Variants in AGBL4 observed in about 807,000 individuals in gnomAD.
AGBL4 encodes cytosolic carboxypeptidase 6.
A neutral mutation model predicts 66.4 loss-of-function variants in AGBL4; 58 were observed. The observed-to-expected ratio is 0.87, with a 90% CI of 0.71 to 1.09. The LOEUF is 1.09. AGBL4 is among the 50% of genes least tolerant of loss of function. AGBL4 has a pLI of 0.00. For synonymous variants in AGBL4, 234 were observed against 222.9 expected (o/e 1.05, Z -0.44); for missense variants, 579 against 631.0 (o/e 0.92, Z 0.88).
chr1:48,708,477 G>A (rs552064617), intron 6 of AGBL4, among the ~76,000 whole-genome samples: 7 of 152,304 alleles, frequency 4.6e-5, no homozygotes, highest in Admixed American at 4.6e-4. Context: ...AGGGCCCAGA[G>A]GCACAGTGAG....
intron 3 of AGBL4, among the ~76,000 whole-genome samples, chr1:49,656,104 G>T (rs1036051464): frequency 1.3e-5 from 2 of 151,190 alleles, no homozygotes; most frequent in African/African-American, 2.4e-5. Context: ...CCAAGATCGT[G>T]CCACTGCACT....
intron 3 of AGBL4, among the ~76,000 whole-genome samples, chr1:49,542,440 A>G (rs1652120352): frequency 6.6e-6 from 1 of 152,168 alleles, no homozygotes; most frequent in South Asian, 2.1e-4. Context: ...TCCGAACATC[A>G]GAAGGAACAA....
Position 48,894,853 on chromosome 1 carries a change from C to T in AGBL4, c.595-27623G>A, listed in dbSNP as rs539195539. Among the ~76,000 whole-genome samples, 150 of 152,230 alleles carry T rather than the reference C, an allele frequency of 9.9e-4. 1 individual carries two copies. The Middle Eastern group carries it at 0.01, about 10-fold the overall frequency. ...TTTATATTTCAAAACAAAGAGGTTT[C>T]CAGTACGTAGGGAGACAGGATTTCC... is the stretch of plus-strand genomic sequence containing the variant. On this transcript the variant is annotated intron_variant, in intron 5 of 13. Transcript: ENST00000371839.
chr1:49,429,170 G>A (rs765357700), intron 3 of AGBL4, among the ~76,000 whole-genome samples: 4 of 152,150 alleles, frequency 2.6e-5, no homozygotes, highest in South Asian at 4.1e-4. Context: ...CCTTTAAAGA[G>A]CCAGATGATA....
At chr1:49,830,460 G>T (rs1025861524) in intron 2 of AGBL4, among the ~76,000 whole-genome samples, 14 of 151,962 alleles carry the variant, frequency 9.2e-5, no homozygotes, top group Non-Finnish European at 1.6e-4. Flanking sequence ...TGCTCATGGG[G>T]TTGTTTTTTC....
At chr1:48,749,523 C>A (rs1278051592) in intron 6 of AGBL4, among the ~76,000 whole-genome samples, 1 of 152,178 alleles carries the variant, frequency 6.6e-6, no homozygotes, top group East Asian at 1.9e-4. Context: ...TTGTCAGATT[C>A]CAAAGACAGC....
rs538006808 is a variant in AGBL4, at chr1:49,768,865, T to C, written c.158-71428A>G. 1.1e-3 allele frequency among the ~76,000 whole-genome samples: 164 copies of C among 152,210 alleles called. 1 individual carries two copies. The highest frequency in any genetic ancestry group is 3.7e-3 in the African/African-American group (154 of 41,544). ...ATACAAAAATCAGGACTTTTTTTTT[T>C]TTGAGATGGAGTCTCACTCTGTCGC... On this transcript the variant is annotated intron_variant, in intron 2 of 13. Coordinates refer to ENST00000371839, the MANE Select transcript of AGBL4 (RefSeq NM_032785.4).
chr1:49,499,583 G>T (rs1647937801), intron 3 of AGBL4, among the ~76,000 whole-genome samples: 1 of 150,882 alleles, frequency 6.6e-6, no homozygotes, highest in Non-Finnish European at 1.5e-5. Flanking sequence ...TCATACCTTA[G>T]TTCCCACTTA....
intron 3 of AGBL4, among the ~76,000 whole-genome samples, chr1:49,445,446 C>G (rs1042871856): frequency 6.6e-6 from 1 of 152,098 alleles, no homozygotes; most frequent in Non-Finnish European, 1.5e-5. Context: ...CTAATCCTCT[C>G]TTTGTCTCTT....
rs117520839 is a variant in AGBL4, at chr1:49,194,933, G to A, written c.377+50837C>T. Among the ~76,000 whole-genome samples the A allele has an allele frequency of 2.1e-3, 325 of 152,042 alleles. 5 individuals are homozygous for A. The highest frequency in any genetic ancestry group is 0.019 in the Admixed American group (289 of 15,254). On this transcript the variant is annotated intron_variant, in intron 4 of 13. Coordinates refer to ENST00000371839, the MANE Select transcript of AGBL4 (RefSeq NM_032785.4). ...GCTCACTATAGCCTTTAACTCCAGG[G>A]CTCAACTGATCCTCCCACCTCAGCA...
intron 1 of AGBL4, among the ~76,000 whole-genome samples, chr1:49,926,143 T>G (rs1652747292): frequency 6.6e-6 from 1 of 152,232 alleles, no homozygotes; most frequent in Non-Finnish European, 1.5e-5. Context: ...GAGGTACTTG[T>G]GTCACCCCTC....
At chr1:49,354,285 G>T (rs931622526) in intron 3 of AGBL4, among the ~76,000 whole-genome samples, 1 of 152,200 alleles carries the variant, frequency 6.6e-6, no homozygotes, top group Non-Finnish European at 1.5e-5. Context: ...GAACTCTCCT[G>T]TTCCACAGTG....
chr1:48,872,459 C>T (rs551004919), intron 5 of AGBL4, among the ~76,000 whole-genome samples: 1 of 152,144 alleles, frequency 6.6e-6, no homozygotes, highest in South Asian at 2.1e-4. Context: ...CATTAATCAA[C>T]AAGATACCAG....
intron 2 of AGBL4, among the ~76,000 whole-genome samples, chr1:49,800,442 G>T: frequency 1.5e-5 from 2 of 135,988 alleles, no homozygotes; most frequent in Admixed American, 7.5e-5. Context: ...GTATACATGT[G>T]CCATGCTGGT....
At chr1:49,081,455 A>T (rs1644807112) in intron 4 of AGBL4, among the ~76,000 whole-genome samples, 1 of 152,214 alleles carries the variant, frequency 6.6e-6, no homozygotes, top group South Asian at 2.1e-4. Context: ...TAAAATATGT[A>T]AGAATTCTAC....
chr1:49,635,616 A>G (rs1645656341), intron 3 of AGBL4, among the ~76,000 whole-genome samples: 1 of 152,200 alleles, frequency 6.6e-6, no homozygotes, highest in Admixed American at 6.6e-5. Flanking sequence ...GGGTATCAAA[A>G]TGACCAATAT....
Position 48,736,428 on chromosome 1 carries a change from C to T in AGBL4, c.635-73187G>A, listed in dbSNP as rs375214162. 9.9e-6 allele frequency: 16 copies of T among 1,614,034 alleles called. No homozygotes were observed. The highest frequency in any genetic ancestry group is 1.4e-5 in the Non-Finnish European group (16 of 1,180,040). On this transcript the variant is annotated intron_variant, in intron 6 of 13. Transcript: ENST00000371839. This position sits in a 1 kb window ranked among gnomAD's most constrained non-coding sequence, Gnocchi z 4.0. Reference sequence around the variant, plus strand: ...AGCTGGTGCCATTTCTCCTCATCAACCCAAATCCCGCTTCCCAGATGGACC... The same window carrying T: ...AGCTGGTGCCATTTCTCCTCATCAATCCAAATCCCGCTTCCCAGATGGACC...
At chr1:49,905,802 CA>C (rs1198004649) in intron 1 of AGBL4, among the ~76,000 whole-genome samples, 6 of 151,892 alleles carry the variant, frequency 4.0e-5, no homozygotes, top group Non-Finnish European at 5.9e-5. Context: ...AGCATACCCT[CA>C]AAAATATATT....
At chr1:49,155,498 T>C (rs530438552) in intron 4 of AGBL4, among the ~76,000 whole-genome samples, 1 of 152,276 alleles carries the variant, frequency 6.6e-6, no homozygotes, top group South Asian at 2.1e-4. Flanking sequence ...AAAGATTAGA[T>C]AGTTCAAGTG....
Sources: gnomAD v4.1 joint callset for allele counts (sites outside exome capture counted in the v4.1 genomes callset) on GRCh38, gnomAD v4.1.1 for gene constraint, Gnocchi (gnomAD v3.1) non-coding constraint, MANE v1.5 for transcripts, NCBI Gene and HGNC (gene_info 2026-07-23, HGNC 2026-07-21) for gene names.